USP24: variants seen among roughly 807,000 people sequenced by gnomAD.
USP24 encodes the protein ubiquitin carboxyl-terminal hydrolase 24.
USP24 carries 97 observed loss-of-function variants against 361.6 expected under a neutral mutation model. The ratio of observed to expected loss-of-function variants is 0.27; its 90% CI spans 0.23 to 0.32. The LOEUF (loss-of-function observed/expected upper bound fraction) is 0.32. Ranked by LOEUF, USP24 falls within the 10% of genes least tolerant of loss-of-function variation. The pLI, the probability that USP24 is intolerant of heterozygous loss-of-function variation, is 1.00. For missense variants in USP24, 2,353 were observed against 3,165.6 expected (o/e 0.74, Z 6.16); for synonymous variants, 1,098 against 1,124.6 (o/e 0.98, Z 0.47).
chr1:55,110,326 A>G, intron 38 of USP24, 80 bp from the exon 39 acceptor site: 1 of 1,184,738 alleles, frequency 8.4e-7, no homozygotes, highest in Non-Finnish European at 1.1e-6. Flanking sequence ...GAACAAATTC[A>G]TAAAACAAGT....
In USP24 at chr1:55,069,106, C is replaced by A. The variant is rs752097685; in HGVS notation, c.7802G>T (p.Gly2601Val). ...ACCAATCATCATGGGAGATTCTGAA[C>A]CCTGCAGAAAAGAAAAGGAAGTTAA... is the stretch of plus-strand genomic sequence containing the variant. ...NENGDRHLQQ[G>V]SESPMMIGEL... Residue 2601 changes from glycine (G) to valine (V), a missense_variant and splice_region_variant, in exon 68 of 68, where the codon GGT (glycine) becomes GTT (valine). Transcript: ENST00000294383. 2 of 1,613,932 alleles carry A rather than the reference C, an allele frequency of 1.2e-6. No homozygotes were observed. Among genetic ancestry groups the A allele is most frequent in the African/African-American group, 2.7e-5 (2 of 75,024 alleles).
chr1:55,202,397 C>T (rs1420810727), intron 1 of USP24, among the ~76,000 whole-genome samples: 9 of 151,306 alleles, frequency 5.9e-5, no homozygotes, highest in Non-Finnish European at 1.0e-4. Flanking sequence ...ATTTGTATAC[C>T]GACTTTTTCT....
chr1:55,138,795 T>G (rs1041896418), intron 25 of USP24, 77 bp from the exon 26 acceptor site: 1 of 1,307,834 alleles, frequency 7.6e-7, no homozygotes, highest in African/African-American at 1.5e-5. Context: ...TATGTATATA[T>G]GATGAATGAA....
chr1:55,163,156 T>A (rs1381651661), intron 7 of USP24, among the ~76,000 whole-genome samples: 1 of 151,916 alleles, frequency 6.6e-6, no homozygotes, highest in African/African-American at 2.4e-5. Flanking sequence ...ATTCAAGGAC[T>A]AAGTTAAAAA....
intron 5 of USP24, among the ~76,000 whole-genome samples, chr1:55,169,754 G>A (rs1210191392): frequency 2.0e-5 from 3 of 151,254 alleles, no homozygotes; most frequent in Non-Finnish European, 4.4e-5. Flanking sequence ...GGGAAATAAA[G>A]TAAAGTTCAG....
rs1047039774 is a variant in USP24, at chr1:55,071,509, G to A, written c.7800+305C>T. 8.1e-6 allele frequency: 9 copies of A among 1,117,824 alleles called. No homozygotes were observed. In the African/African-American group the frequency reaches 1.1e-4, roughly 14 times the overall value. 69.2% of individuals were successfully genotyped at this position (1,117,824 alleles called of 1,614,324 possible). A position where few individuals can be genotyped will look rare whatever the true frequency, so the allele number is the denominator to read the frequency against. ...CAGTAACCTGGCAAGGCAGAATAAA[G>A]TGAACAAGCTGGAACGAATCCCCCT... On this transcript the variant is annotated intron_variant, in intron 67 of 67. Coordinates refer to ENST00000294383, the MANE Select transcript of USP24 (RefSeq NM_015306.3).
intron 36 of USP24, 84 bp from the exon 37 acceptor site, chr1:55,121,590 A>G: frequency 4.5e-6 from 5 of 1,110,392 alleles, no homozygotes; most frequent in Middle Eastern, 2.0e-4. Flanking sequence ...CTTAAGCTCA[A>G]CTTAAGCATA....
chr1:55,206,914 C>G (rs1489200244), intron 1 of USP24, among the ~76,000 whole-genome samples: 1 of 152,136 alleles, frequency 6.6e-6, no homozygotes, highest in East Asian at 1.9e-4. Context: ...TACCTGTAAT[C>G]TCAGCACTTG....
chr1:55,129,590 G>C lies in USP24; in HGVS notation c.3538-16C>G. On this transcript the variant is annotated splice_polypyrimidine_tract_variant and intron_variant, in intron 31 of 67. Transcript: ENST00000294383. ...AGCTTAGAACCTAGGGAACAGATAAGCACAATTATTCATCCACACATTTTC... is the reference window on the plus strand; with the variant it reads ...AGCTTAGAACCTAGGGAACAGATAACCACAATTATTCATCCACACATTTTC... The C allele has an allele frequency of 6.2e-7, 1 of 1,601,388 alleles. No individual in the cohort carries two copies.
chr1:55,175,872 A>G (rs992785909), intron 3 of USP24, among the ~76,000 whole-genome samples: 1 of 152,244 alleles, frequency 6.6e-6, no homozygotes, highest in African/African-American at 2.4e-5. Flanking sequence ...GGAAGTAGGC[A>G]TATCACTCTG....
At chr1:55,101,852 G>T in intron 42 of USP24, 149 bp from the exon 43 acceptor site, 1 of 1,026,176 alleles carries the variant, frequency 9.7e-7, no homozygotes, top group Non-Finnish European at 1.3e-6. Flanking sequence ...CTATGTTCAT[G>T]AAGTACCTCT....
chr1:55,151,361 A>G (rs1354967837), intron 16 of USP24, among the ~76,000 whole-genome samples: 1 of 152,202 alleles, frequency 6.6e-6, no homozygotes, highest in African/African-American at 2.4e-5. Context: ...ATGTGAAAGT[A>G]TCTGTACTGA....
chr1:55,165,613 T>C (rs1648751065), intron 7 of USP24, among the ~76,000 whole-genome samples: 1 of 152,126 alleles, frequency 6.6e-6, no homozygotes, highest in Non-Finnish European at 1.5e-5. Flanking sequence ...CAACCAACTT[T>C]AAACAGTAAG....
At position 55,169,473 on chromosome 1, in the gene USP24, A is replaced by G. The variant is rs370896091; in HGVS notation, c.825+2083T>C. On this transcript the variant is annotated intron_variant, in intron 5 of 67. Coordinates refer to ENST00000294383, the MANE Select transcript of USP24 (RefSeq NM_015306.3). ...CATTAACCATAGATTCAGAAGCCCA[A>G]TGAATCTGAAGCAAAATAAATAAAA... Among the ~76,000 whole-genome samples the G allele has an allele frequency of 9.2e-5, 14 of 152,330 alleles. No individual in the cohort carries two copies. The East Asian group carries it at 2.5e-3, about 27-fold the overall frequency.
intron 1 of USP24, among the ~76,000 whole-genome samples, chr1:55,182,124 T>A (rs1355964858): frequency 6.6e-6 from 1 of 152,226 alleles, no homozygotes; most frequent in East Asian, 1.9e-4. Flanking sequence ...CAATCTCAGC[T>A]CACAGCAACT....
chr1:55,069,271 CATG>C (rs1394978369), intron 67 of USP24, among the ~76,000 whole-genome samples, 164 bp from the exon 68 acceptor site: 1 of 152,204 alleles, frequency 6.6e-6, no homozygotes, highest in Non-Finnish European at 1.5e-5. Flanking sequence ...TTTGACAATT[CATG>C]ATTATGTAAA....
intron 38 of USP24, among the ~76,000 whole-genome samples, chr1:55,117,589 G>A (rs1407458201): frequency 9.9e-5 from 15 of 151,636 alleles, no homozygotes; most frequent in South Asian, 2.1e-4. Context: ...TTAGCCGGGC[G>A]CGGTGGCGGG....
chr1:55,165,909 G>A lies in USP24; in HGVS notation c.903C>T (p.Leu301=), dbSNP rs373523167. Residue 301 remains leucine (L), a synonymous_variant, in exon 7 of 68, where the codon CTC becomes CTT. Transcript: ENST00000294383. ...LGGFAAIQAK[L]HSEDIELGAV... is the part of the protein sequence containing the mutation. The stretch of plus-strand genomic sequence containing the variant: ...CCCCAAGTTCTATATCTTCTGAATG[G>A]AGCTTGGCTTGGATTGCTGCAAATC... The A allele has an allele frequency of 6.2e-6, 10 of 1,606,720 alleles. No individual in the cohort carries two copies. The highest frequency in any genetic ancestry group is 4.5e-5 in the East Asian group (2 of 44,646).
intron 59 of USP24, 128 bp from the exon 60 acceptor site, chr1:55,079,787 ACACAC>A: frequency 8.3e-6 from 10 of 1,204,832 alleles, no homozygotes; most frequent in Non-Finnish European, 1.1e-5. Context: ...CAGAGTACTC[ACACAC>A]TGAGTACTCA....
Sources: allele counts gnomAD v4.1 joint callset (sites outside exome capture counted in the v4.1 genomes callset), GRCh38; gene constraint gnomAD v4.1.1; transcripts MANE v1.5; gene names NCBI Gene and HGNC (gene_info 2026-07-23, HGNC 2026-07-21).